The following NEK10 variants were observed in gnomAD, a reference collection of about 807,000 sequenced individuals.
The protein encoded by NEK10 is serine/threonine-protein kinase Nek10.
Under a neutral mutation model 159.8 loss-of-function variants are expected in NEK10, and 122 were observed. The ratio of observed to expected loss-of-function variants is 0.76; its 90% CI spans 0.66 to 0.89. The LOEUF is 0.89. Ranked by LOEUF, NEK10 falls within the 40% of genes least tolerant of loss-of-function variation. The pLI is 0.00. For missense variants in NEK10, 1,342 were observed against 1,323.1 expected, an observed-to-expected ratio of 1.01 and a Z score of -0.22; for synonymous variants, 466 against 457.1, an observed-to-expected ratio of 1.02 and a Z score of -0.25.
chr3:27,362,040 A>G (rs1332545062), intron 1 of NEK10, among the ~76,000 whole-genome samples: 1 of 152,228 alleles, frequency 6.6e-6, no homozygotes, highest in East Asian at 1.9e-4. Context: ...ATTAAATAAG[A>G]ACACTAGAAG....
intron 30 of NEK10, among the ~76,000 whole-genome samples, chr3:27,143,047 A>C (rs1461476411): frequency 6.6e-6 from 1 of 152,200 alleles, no homozygotes; most frequent in African/African-American, 2.4e-5. Flanking sequence ...GCAAATAGAA[A>C]GAGTTAATGT....
chr3:27,272,216 C>A (rs553363264), intron 22 of NEK10, among the ~76,000 whole-genome samples: 4 of 152,288 alleles, frequency 2.6e-5, no homozygotes, highest in South Asian at 4.2e-4. Context: ...TGTAAAGTCC[C>A]AGCCTTTGTC....
chr3:27,344,327 G>C lies in NEK10; in HGVS notation c.307C>G (p.Arg103Gly). Reference protein sequence around the residue: ...NERNFSKHPQRKLFQEIFTAL... With the variant: ...NERNFSKHPQGKLFQEIFTAL... ...GTAAAGATCTCCTGAAATAGTTTAC[G>C]CTGAGGATGTTTGCTGAAATTTCTC... The change falls in exon 5 of 36, where the codon CGT becomes GGT. Residue 103 changes from arginine to glycine, a missense_variant. By Grantham distance (125) the Arg-to-Gly change is moderately radical. Transcript: ENST00000691995. 2 of 1,596,852 alleles carry C rather than the reference G, an allele frequency of 1.3e-6. No individual in the cohort carries two copies. The highest frequency in any genetic ancestry group is 1.7e-6 in the Non-Finnish European group (2 of 1,168,098).
intron 30 of NEK10, among the ~76,000 whole-genome samples, chr3:27,160,118 T>TA (rs533369481): frequency 0.022 from 3,374 of 152,134 alleles, 57 homozygotes; most frequent in Non-Finnish European, 0.029. Flanking sequence ...CTTATTTTTT[T>TA]TAAAAAAATA....
At chr3:27,293,251 A>C (rs2043130128) in intron 16 of NEK10, among the ~76,000 whole-genome samples, 1 of 152,256 alleles carries the variant, frequency 6.6e-6, no homozygotes, top group Admixed American at 6.5e-5. Flanking sequence ...GCTGGAAAAA[A>C]AGAAGCTCAT....
intron 30 of NEK10, among the ~76,000 whole-genome samples, chr3:27,160,189 C>T (rs879039282): frequency 1.3e-5 from 2 of 152,102 alleles, no homozygotes; most frequent in South Asian, 4.1e-4. Flanking sequence ...AGGTATAACT[C>T]GCTACTGACA....
intron 23 of NEK10, among the ~76,000 whole-genome samples, chr3:27,212,924 C>A (rs1411187783): frequency 2.6e-5 from 4 of 152,200 alleles, no homozygotes; most frequent in African/African-American, 4.8e-5. Flanking sequence ...TTCATGCTGA[C>A]TTCCTAGAAC....
intron 30 of NEK10, among the ~76,000 whole-genome samples, chr3:27,154,550 A>G (rs1945216430): frequency 6.6e-6 from 1 of 152,214 alleles, no homozygotes; most frequent in South Asian, 2.1e-4. Flanking sequence ...AATCCTTAAC[A>G]AAATACTAGC....
intron 5 of NEK10, among the ~76,000 whole-genome samples, chr3:27,340,098 G>T (rs1031511223): frequency 1.3e-5 from 2 of 152,110 alleles, no homozygotes; most frequent in African/African-American, 4.8e-5. Flanking sequence ...CAAAGCCTTG[G>T]AACCAACCCA....
chr3:27,243,923 T>A (rs1954813659), intron 23 of NEK10, among the ~76,000 whole-genome samples: 1 of 152,120 alleles, frequency 6.6e-6, no homozygotes, highest in African/African-American at 2.4e-5. Flanking sequence ...AACTAAGTCA[T>A]CTGCTCCTGT....
At chr3:27,295,491 C>G in intron 15 of NEK10, 122 bp downstream of exon 15, 1 of 1,123,328 alleles carries the variant, frequency 8.9e-7, no homozygotes, top group Admixed American at 4.0e-5. Context: ...AGATATTTTT[C>G]CCTCATAGTC....
At chr3:27,287,198 C>T (rs1258068832) in intron 20 of NEK10, among the ~76,000 whole-genome samples, 2 of 150,212 alleles carry the variant, frequency 1.3e-5, no homozygotes, top group African/African-American at 2.5e-5. Flanking sequence ...TCTAGTTCAG[C>T]ATTCCATCAT....
intron 23 of NEK10, among the ~76,000 whole-genome samples, chr3:27,213,193 A>G (rs1951172009): frequency 6.6e-6 from 1 of 152,174 alleles, no homozygotes; most frequent in Non-Finnish European, 1.5e-5. Context: ...TTGTTGCTTC[A>G]TTCTTTCCTT....
chr3:27,197,021 T>A (rs1949617576), intron 25 of NEK10, among the ~76,000 whole-genome samples: 1 of 151,734 alleles, frequency 6.6e-6, no homozygotes, highest in Non-Finnish European at 1.5e-5. Flanking sequence ...GTATTTACCA[T>A]TCTGCAAGCC....
chr3:27,165,368 G>T (rs949972348), intron 29 of NEK10, among the ~76,000 whole-genome samples: 1 of 152,180 alleles, frequency 6.6e-6, no homozygotes, highest in South Asian at 2.1e-4. Flanking sequence ...ATTATGCAGA[G>T]CCTGGGGGAA....
Position 27,145,859 on chromosome 3 carries a change from T to C in NEK10, c.2870-4277A>G, listed in dbSNP as rs757435310. Among the ~76,000 whole-genome samples, 1,123 of 151,754 alleles carry C rather than the reference T, an allele frequency of 7.4e-3. 5 individuals are homozygous for C. Among genetic ancestry groups the C allele is most frequent in the Non-Finnish European group, 0.011 (762 of 67,934 alleles). On this transcript the variant is annotated intron_variant, in intron 30 of 35. Coordinates refer to ENST00000691995, the MANE Select transcript of NEK10 (RefSeq NM_001394966.1). ...ATTTGGAGGAAGTGAGCTTGGGAGG[T>C]GATTAGGTCCTAAGGGCGGAGGCCT...
intron 3 of NEK10, among the ~76,000 whole-genome samples, chr3:27,348,447 C>A (rs190296093): frequency 1.3e-5 from 2 of 152,284 alleles, no homozygotes; most frequent in African/African-American, 4.8e-5. Flanking sequence ...AGACCAGGAA[C>A]CTAATAGTAG....
Position 27,284,583 on chromosome 3 carries a change from T to G in NEK10, c.2014+19A>C. On this transcript the variant is annotated intron_variant, in intron 22 of 35. Transcript: ENST00000691995. ...TTCAGGAATTCTTCAGTTAAAAGTT[T>G]AAAAATCTTTATACTTACTAACGGT... The G allele has an allele frequency of 7.1e-7, 1 of 1,408,112 alleles. No homozygotes were observed. Among genetic ancestry groups the G allele is most frequent in the Non-Finnish European group, 1.0e-6 (1 of 992,940 alleles). 87.2% of individuals were successfully genotyped at this position (1,408,112 alleles called of 1,614,324 possible). A position where few individuals can be genotyped will look rare whatever the true frequency, so the allele number is the denominator to read the frequency against.
At position 27,292,346 on chromosome 3, in the gene NEK10, A is replaced by C. The variant is rs1184753240; in HGVS notation, c.1374-760T>G. Among the ~76,000 whole-genome samples the C allele has an allele frequency of 2.0e-5, 3 of 152,310 alleles. No individual in the cohort carries two copies. In the East Asian group the frequency reaches 5.8e-4, roughly 29 times the overall value. On this transcript the variant is annotated intron_variant, in intron 16 of 35. Coordinates refer to ENST00000691995, the MANE Select transcript of NEK10 (RefSeq NM_001394966.1). ...GGAGCACTTTCACAAATGTCATTTA[A>C]CTCAGATTTTAGTAAGAAGTAAATA...
Sources: gnomAD v4.1 joint callset for allele counts (sites outside exome capture counted in the v4.1 genomes callset) on GRCh38, gnomAD v4.1.1 for gene constraint, MANE v1.5 for transcripts, NCBI Gene and HGNC (gene_info 2026-07-23, HGNC 2026-07-21) for gene names.